FCHSD2: variants seen among roughly 807,000 people sequenced by gnomAD.
FCHSD2 encodes the protein F-BAR and double SH3 domains protein 2.
FCHSD2 carries 38 observed loss-of-function variants against 108.1 expected under a neutral mutation model. That is an observed-to-expected ratio of 0.35 (90% CI 0.27 to 0.46). FCHSD2 has a LOEUF of 0.46. FCHSD2 is among the 20% of genes least tolerant of loss of function. FCHSD2 has a pLI of 1.00. For missense variants in FCHSD2, 751 were observed against 897.8 expected (o/e 0.84, Z 2.09); for synonymous variants, 279 against 314.7 (o/e 0.89, Z 1.20).
intron 3 of FCHSD2, among the ~76,000 whole-genome samples, chr11:73,028,875 G>A (rs1241023717): frequency 6.6e-6 from 1 of 152,142 alleles, no homozygotes; most frequent in African/African-American, 2.4e-5. Flanking sequence ...TGTAAGAGAT[G>A]CCTTGCTTCC....
intron 10 of FCHSD2, among the ~76,000 whole-genome samples, chr11:72,895,788 C>A (rs1038445471): frequency 6.6e-6 from 1 of 152,264 alleles, no homozygotes; most frequent in East Asian, 1.9e-4. Flanking sequence ...TTAGTCAAAG[C>A]CTCTCATTTT....
At chr11:72,859,460 G>A (rs1334278624) in intron 13 of FCHSD2, among the ~76,000 whole-genome samples, 1 of 152,066 alleles carries the variant, frequency 6.6e-6, no homozygotes, top group Non-Finnish European at 1.5e-5. Context: ...AGTGCTGCTG[G>A]CCTATTGTTA....
At chr11:72,973,318 G>C (rs1400311395) in intron 8 of FCHSD2, among the ~76,000 whole-genome samples, 1 of 151,690 alleles carries the variant, frequency 6.6e-6, no homozygotes, top group Non-Finnish European at 1.5e-5. Flanking sequence ...GGTGAGACGA[G>C]ATCGTGCCAT....
At chr11:73,052,154 C>T (rs994766148) in intron 3 of FCHSD2, among the ~76,000 whole-genome samples, 2 of 152,112 alleles carry the variant, frequency 1.3e-5, no homozygotes, top group Non-Finnish European at 2.9e-5. Context: ...GTGATCTGAA[C>T]ATGATGGTGC....
At chr11:72,953,280 T>C (rs1856651146) in intron 8 of FCHSD2, among the ~76,000 whole-genome samples, 1 of 152,252 alleles carries the variant, frequency 6.6e-6, no homozygotes, top group Admixed American at 6.5e-5. Flanking sequence ...AGAAACCTAC[T>C]GCTGGTGATG....
chr11:72,993,128 C>T (rs1239122873), intron 5 of FCHSD2, among the ~76,000 whole-genome samples: 1 of 152,078 alleles, frequency 6.6e-6, no homozygotes, highest in Non-Finnish European at 1.5e-5. Context: ...CAAAAGAAGA[C>T]ATTTATGCAG....
chr11:73,083,563 A>T, intron 3 of FCHSD2, 132 bp downstream of exon 3: 1 of 636,150 alleles, frequency 1.6e-6, no homozygotes. Context: ...AAAAGAAAAA[A>T]AAAAAAACAA....
intron 2 of FCHSD2, among the ~76,000 whole-genome samples, chr11:73,096,987 A>ATTTTTTTTTTTTTTTTT (rs60223064): frequency 0.015 from 402 of 27,042 alleles, 155 homozygotes; most frequent in African/African-American, 0.016. Context: ...TCATTGATGG[A>ATTTTTTTTTTTTTTTTT]TTTTTTTTTT....
At chr11:73,063,386 G>A (rs184247422) in intron 3 of FCHSD2, among the ~76,000 whole-genome samples, 112 of 152,194 alleles carry the variant, frequency 7.4e-4, no homozygotes, top group Middle Eastern at 3.4e-3. Context: ...TCAACTAATG[G>A]TCAAAACAAC....
chr11:72,914,103 T>C (rs550595965), intron 9 of FCHSD2, among the ~76,000 whole-genome samples: 55 of 152,162 alleles, frequency 3.6e-4, no homozygotes, highest in South Asian at 8.3e-4. Flanking sequence ...CAAACTGCGC[T>C]TCCTGGGTTC....
intron 12 of FCHSD2, among the ~76,000 whole-genome samples, chr11:72,878,314 T>C (rs1855012015): frequency 6.6e-6 from 1 of 152,136 alleles, no homozygotes; most frequent in Non-Finnish European, 1.5e-5. Context: ...ATCCCTCTAA[T>C]TGTCCATGTT....
chr11:72,853,011 G>A (rs1861331422), intron 13 of FCHSD2, among the ~76,000 whole-genome samples: 1 of 152,156 alleles, frequency 6.6e-6, no homozygotes, highest in African/African-American at 2.4e-5. Context: ...TGGGAGGAGG[G>A]AGAGGATTAG....
chr11:72,997,855 C>T (rs1857549971), intron 5 of FCHSD2, among the ~76,000 whole-genome samples: 1 of 152,104 alleles, frequency 6.6e-6, no homozygotes, highest in Non-Finnish European at 1.5e-5. Context: ...CATGAACCAC[C>T]ACACCTGGCT....
At chr11:72,930,258 T>A (rs1856162250) in intron 8 of FCHSD2, among the ~76,000 whole-genome samples, 1 of 152,076 alleles carries the variant, frequency 6.6e-6, no homozygotes, top group Admixed American at 6.6e-5. Flanking sequence ...GCCGAAACAA[T>A]CTGTTGTGAC....
At chr11:73,052,633 G>C (rs1858928159) in intron 3 of FCHSD2, among the ~76,000 whole-genome samples, 1 of 152,134 alleles carries the variant, frequency 6.6e-6, no homozygotes, top group African/African-American at 2.4e-5. Flanking sequence ...TAGTGTTTCT[G>C]CAAGATAAAA....
chr11:72,991,533 C>T (rs967925833), intron 5 of FCHSD2, among the ~76,000 whole-genome samples: 4 of 152,154 alleles, frequency 2.6e-5, no homozygotes, highest in Non-Finnish European at 4.4e-5. Context: ...GGGCTTCATC[C>T]CCGGGATGCA....
intron 2 of FCHSD2, among the ~76,000 whole-genome samples, chr11:73,115,078 C>A (rs764072019): frequency 3.5e-4 from 54 of 152,332 alleles, no homozygotes; most frequent in Non-Finnish European, 6.3e-4. Flanking sequence ...AGTGGCAAGG[C>A]GTGCTGAAAT....
chr11:73,032,386 GTTAATTTTT>G (rs980963741), intron 3 of FCHSD2, among the ~76,000 whole-genome samples: 4 of 152,016 alleles, frequency 2.6e-5, no homozygotes, highest in African/African-American at 7.2e-5. Context: ...GCATTGCCTG[GTTAATTTTT>G]TTAATTTTTT....
chr11:73,041,507 C>T (rs1388181979), intron 3 of FCHSD2, among the ~76,000 whole-genome samples: 1 of 152,024 alleles, frequency 6.6e-6, no homozygotes, highest in East Asian at 1.9e-4. Flanking sequence ...TTTCATATAC[C>T]TACTGGCCAT....
Sources: gnomAD v4.1 joint callset for allele counts (sites outside exome capture counted in the v4.1 genomes callset) on GRCh38, gnomAD v4.1.1 for gene constraint, MANE v1.5 for transcripts, NCBI Gene and HGNC (gene_info 2026-07-23, HGNC 2026-07-21) for gene names.